Variants in ARHGAP26 observed in about 807,000 individuals in gnomAD.
The protein encoded by ARHGAP26 is rho GTPase-activating protein 26.
Under a neutral mutation model 104.8 loss-of-function variants are expected in ARHGAP26, and 38 were observed. That is an observed-to-expected ratio of 0.36 (90% CI 0.28 to 0.48). The LOEUF (loss-of-function observed/expected upper bound fraction) is 0.48. ARHGAP26 is among the 20% of genes least tolerant of loss of function. The probability of loss-of-function intolerance (pLI) is 0.99; values close to 1 mark genes in which losing one functional copy is unlikely to be tolerated. For synonymous variants in ARHGAP26, 341 were observed against 340.0 expected, an observed-to-expected ratio of 1.00 and a Z score of -0.03; for missense variants, 704 against 947.9, an observed-to-expected ratio of 0.74 and a Z score of 3.38.
At chr5:143,190,487 AAAC>A (rs1436340168) in intron 20 of ARHGAP26, among the ~76,000 whole-genome samples, 1 of 152,168 alleles carries the variant, frequency 6.6e-6, no homozygotes, top group African/African-American at 2.4e-5. Context: ...CTTAAGGAAA[AAAC>A]AAAGCTGTCC....
intron 1 of ARHGAP26, among the ~76,000 whole-genome samples, chr5:142,804,041 A>G (rs1428886418): frequency 1.3e-5 from 2 of 152,160 alleles, no homozygotes; most frequent in Non-Finnish European, 1.5e-5. Flanking sequence ...CATTTTCCAC[A>G]TGAGGAGACT....
chr5:142,953,439 C>T (rs1598374643), intron 11 of ARHGAP26, among the ~76,000 whole-genome samples: 2 of 152,150 alleles, frequency 1.3e-5, no homozygotes, highest in Non-Finnish European at 2.9e-5. Flanking sequence ...TTAAAACTTT[C>T]ATGCAAAAAG....
At chr5:143,062,526 T>G (rs1373175554) in intron 17 of ARHGAP26, among the ~76,000 whole-genome samples, 3 of 151,916 alleles carry the variant, frequency 2.0e-5, no homozygotes, top group Admixed American at 2.0e-4. Flanking sequence ...TGGGTTTTTT[T>G]TTTTTTTTTT....
At chr5:142,819,778 A>G (rs1285510940) in intron 1 of ARHGAP26, among the ~76,000 whole-genome samples, 1 of 152,228 alleles carries the variant, frequency 6.6e-6, no homozygotes, top group Non-Finnish European at 1.5e-5. Flanking sequence ...TTCATTATAG[A>G]TGTAAGTAAT....
intron 20 of ARHGAP26, chr5:143,202,128 T>G (rs1184390488): frequency 6.6e-6 from 1 of 152,224 alleles, no homozygotes; most frequent in African/African-American, 2.4e-5. Context: ...TTTAGGATAG[T>G]TAGCTCTTCC....
At chr5:143,053,932 C>T (rs774907057) in intron 14 of ARHGAP26, among the ~76,000 whole-genome samples, 15 of 152,098 alleles carry the variant, frequency 9.9e-5, no homozygotes, top group Non-Finnish European at 1.8e-4. Context: ...TCATATAAAT[C>T]GGCGAGGTAA....
intron 21 of ARHGAP26, among the ~76,000 whole-genome samples, chr5:143,211,474 A>G (rs922348867): frequency 6.6e-6 from 1 of 152,120 alleles, no homozygotes; most frequent in Admixed American, 6.5e-5. Flanking sequence ...CAGTAGAGGG[A>G]GATCTCAAGG....
intron 18 of ARHGAP26, among the ~76,000 whole-genome samples, chr5:143,122,345 G>A (rs1461229717): frequency 6.6e-6 from 1 of 152,100 alleles, no homozygotes; most frequent in Non-Finnish European, 1.5e-5. Flanking sequence ...TGTTCCCAGT[G>A]GTTGGAACAC....
intron 1 of ARHGAP26, among the ~76,000 whole-genome samples, chr5:142,807,469 C>G (rs1715591114): frequency 6.6e-6 from 1 of 152,136 alleles, no homozygotes; most frequent in Non-Finnish European, 1.5e-5. Flanking sequence ...CTGCTGAGGT[C>G]TTGTGTGTGA....
intron 1 of ARHGAP26, among the ~76,000 whole-genome samples, chr5:142,786,514 G>A (rs1165602401): frequency 1.3e-5 from 2 of 151,990 alleles, no homozygotes; most frequent in African/African-American, 2.4e-5. Context: ...GCTCAGGCTG[G>A]TCTCAAATTC....
chr5:142,880,526 A>G (rs1319164247), intron 4 of ARHGAP26, among the ~76,000 whole-genome samples: 2 of 152,150 alleles, frequency 1.3e-5, no homozygotes, highest in Non-Finnish European at 2.9e-5. Flanking sequence ...CCAAAAAAAA[A>G]AAAATCACTA....
At chr5:142,914,295 C>T (rs888038018) in intron 10 of ARHGAP26, among the ~76,000 whole-genome samples, 1 of 152,218 alleles carries the variant, frequency 6.6e-6, no homozygotes, top group Non-Finnish European at 1.5e-5. Flanking sequence ...CCCCCTTAGC[C>T]TTTATCAGAA....
At chr5:142,887,344 C>T (rs1423120179) in intron 5 of ARHGAP26, among the ~76,000 whole-genome samples, 1 of 152,166 alleles carries the variant, frequency 6.6e-6, no homozygotes, top group African/African-American at 2.4e-5. Context: ...CTTAGATTCT[C>T]TAAGCTTTAT....
chr5:143,096,684 CTT>C (rs147658032), intron 17 of ARHGAP26, among the ~76,000 whole-genome samples: 3 of 141,726 alleles, frequency 2.1e-5, no homozygotes, highest in African/African-American at 2.6e-5. Context: ...TAAAGCTAGG[CTT>C]TTTTTTTTTT....
chr5:143,090,284 A>C lies in ARHGAP26; in HGVS notation c.1539-30704A>C, dbSNP rs559199579. 5.9e-5 allele frequency among the ~76,000 whole-genome samples: 9 copies of C among 152,362 alleles called. No homozygotes were observed. The South Asian group carries it at 1.9e-3, about 32-fold the overall frequency. On this transcript the variant is annotated intron_variant, in intron 17 of 22. Transcript: ENST00000645722. ...GTTGACTGGAGGACCACCCTAGTGG[A>C]AAGGGGACAGTCTGGGCCTCTGGCC...
chr5:143,200,716 C>T (rs758876178), intron 20 of ARHGAP26, among the ~76,000 whole-genome samples: 28 of 152,160 alleles, frequency 1.8e-4, no homozygotes, highest in African/African-American at 5.6e-4. Flanking sequence ...TCTACAAGGC[C>T]GTCAGTAATT....
chr5:143,102,593 A>T (rs1793410619), intron 17 of ARHGAP26, among the ~76,000 whole-genome samples: 1 of 152,226 alleles, frequency 6.6e-6, no homozygotes, highest in South Asian at 2.1e-4. Context: ...TGGCCTGGTT[A>T]CACCCCTGTG....
chr5:142,900,827 G>A (rs1321898358), intron 6 of ARHGAP26, among the ~76,000 whole-genome samples: 3 of 152,086 alleles, frequency 2.0e-5, no homozygotes, highest in Admixed American at 1.3e-4. Flanking sequence ...AATGTGTCTT[G>A]GAATAAGGTG....
chr5:142,799,683 T>C (rs1320875422), intron 1 of ARHGAP26, among the ~76,000 whole-genome samples: 1 of 152,182 alleles, frequency 6.6e-6, no homozygotes, highest in Admixed American at 6.5e-5. Context: ...GGGGTCTGCT[T>C]TCTGTGTCAT....
Sources: gnomAD v4.1 joint callset for allele counts (sites outside exome capture counted in the v4.1 genomes callset) on GRCh38, gnomAD v4.1.1 for gene constraint, MANE v1.5 for transcripts, NCBI Gene and HGNC (gene_info 2026-07-23, HGNC 2026-07-21) for gene names.